The following CASK variants were observed in gnomAD, a reference collection of about 807,000 sequenced individuals.
CASK encodes peripheral plasma membrane protein CASK.
A neutral mutation model predicts 82.9 loss-of-function variants in CASK; 4 were observed. The observed-to-expected ratio is 0.05, with a 90% CI of 0.02 to 0.11. The LOEUF is 0.11. CASK is among the 10% of genes least tolerant of loss of function. The pLI is 1.00. For missense variants in CASK, 358 were observed against 720.9 expected (o/e 0.50, Z 5.76); for synonymous variants, 259 against 253.5 (o/e 1.02, Z -0.20).
chrX:41,567,421 G>A (rs1197183575), intron 16 of CASK, among the ~76,000 whole-genome samples: 1 of 112,217 alleles, frequency 8.9e-6, no homozygotes, highest in Non-Finnish European at 1.9e-5. Flanking sequence ...ATCAAAAAGT[G>A]AGCAAAGGAT....
intron 2 of CASK, among the ~76,000 whole-genome samples, chrX:41,846,655 T>A (rs2071161607): frequency 8.9e-6 from 1 of 112,068 alleles, no homozygotes; most frequent in African/African-American, 3.2e-5. Flanking sequence ...GAATACCTCA[T>A]TTATCCTGAT....
At chrX:41,752,054 AAAAAAAAAAACAC>A (rs1037265781) in intron 3 of CASK, among the ~76,000 whole-genome samples, 8 of 96,666 alleles carry the variant, frequency 8.3e-5, no homozygotes, top group Non-Finnish European at 1.6e-4. Flanking sequence ...CCCACCCACC[AAAAAAAAAAACAC>A]AAAAAAAAAA....
At chrX:41,703,292 C>A (rs1221916214) in intron 5 of CASK, among the ~76,000 whole-genome samples, 1 of 112,156 alleles carries the variant, frequency 8.9e-6, no homozygotes, top group Non-Finnish European at 1.9e-5. Flanking sequence ...TACCCGTATA[C>A]ATCATCCAAA....
intron 1 of CASK, among the ~76,000 whole-genome samples, chrX:41,876,004 T>C (rs894856073): frequency 1.2e-4 from 13 of 111,406 alleles, no homozygotes; most frequent in South Asian, 3.8e-4. Context: ...ATCCAAGTAG[T>C]CAAAAGCATC....
chrX:41,629,549 C>T (rs2066431493), intron 9 of CASK, among the ~76,000 whole-genome samples: 1 of 111,405 alleles, frequency 9.0e-6, no homozygotes, highest in Non-Finnish European at 1.9e-5. Flanking sequence ...TGACTACTCT[C>T]CCCAGTTCAA....
At chrX:41,677,034 C>T (rs761298010) in intron 5 of CASK, among the ~76,000 whole-genome samples, 19 of 109,613 alleles carry the variant, frequency 1.7e-4, no homozygotes, top group African/African-American at 4.0e-4. Context: ...AGGCTGGGTG[C>T]GGTGGCTCAC....
intron 2 of CASK, among the ~76,000 whole-genome samples, chrX:41,839,317 C>A (rs1478557319): frequency 9.0e-6 from 1 of 111,325 alleles, no homozygotes; most frequent in Non-Finnish European, 1.9e-5. Flanking sequence ...TCTTTAACTT[C>A]TTTCATCAGA....
intron 5 of CASK, among the ~76,000 whole-genome samples, chrX:41,709,977 G>A (rs138106585): frequency 9.1e-6 from 1 of 110,407 alleles, no homozygotes; most frequent in African/African-American, 3.3e-5. Flanking sequence ...CTTGGCCCTA[G>A]AAAGAGACAG....
At chrX:41,578,851 G>C in intron 14 of CASK, among the ~76,000 whole-genome samples, 1 of 112,004 alleles carries the variant, frequency 8.9e-6, no homozygotes, top group East Asian at 2.8e-4. Context: ...CATCTAAAGA[G>C]AACATAAAGT....
intron 11 of CASK, among the ~76,000 whole-genome samples, chrX:41,620,881 G>A (rs1487453574): frequency 8.9e-6 from 1 of 112,065 alleles, no homozygotes; most frequent in East Asian, 2.8e-4. Context: ...ATTTATTAAA[G>A]GAAGTAAACT....
At chrX:41,625,942 CTTTTT>C (rs748063155) in intron 10 of CASK, among the ~76,000 whole-genome samples, 2 of 40,367 alleles carry the variant, frequency 5.0e-5, no homozygotes, top group African/African-American at 1.8e-4. Flanking sequence ...GCACGCCTGG[CTTTTT>C]TTTTTTTTTT....
chrX:41,695,186 A>C (rs1445075286), intron 5 of CASK, among the ~76,000 whole-genome samples: 1 of 112,140 alleles, frequency 8.9e-6, no homozygotes, highest in Non-Finnish European at 1.9e-5. Flanking sequence ...TAGAGCATGA[A>C]ACTCCATGAG....
intron 5 of CASK, among the ~76,000 whole-genome samples, chrX:41,693,194 A>G (rs774104858): frequency 1.7e-3 from 195 of 111,475 alleles, no homozygotes; most frequent in Middle Eastern, 4.6e-3. Flanking sequence ...AGCTCCCTAC[A>G]TAACCACACA....
chrX:41,745,708 G>A, intron 3 of CASK, 107 bp from the exon 4 acceptor site: 1 of 558,886 alleles, frequency 1.8e-6, no homozygotes, highest in Non-Finnish European at 3.1e-6. Context: ...ACTGCTAAGG[G>A]TTATGTTATT....
chrX:41,827,560 C>T (rs1228460601), intron 2 of CASK, among the ~76,000 whole-genome samples: 3 of 112,063 alleles, frequency 2.7e-5, no homozygotes, highest in Non-Finnish European at 5.6e-5. Context: ...CTAATACCAT[C>T]ACCTCGACAA....
chrX:41,553,138 T>C (rs924699818), intron 21 of CASK, among the ~76,000 whole-genome samples: 1 of 112,336 alleles, frequency 8.9e-6, no homozygotes, highest in Non-Finnish European at 1.9e-5. Flanking sequence ...TCCTTTTCTC[T>C]CAGTTAAAAA....
chrX:41,598,537 T>C (rs1351570770), intron 12 of CASK, among the ~76,000 whole-genome samples: 1 of 110,642 alleles, frequency 9.0e-6, no homozygotes. Context: ...TTTTATTTTA[T>C]TTTTAGTAGA....
chrX:41,574,409 A>C (rs1033722063), intron 15 of CASK, among the ~76,000 whole-genome samples: 14 of 111,379 alleles, frequency 1.3e-4, no homozygotes, highest in African/African-American at 4.6e-4. Context: ...CTGTTCTTTC[A>C]TGATATTTTG....
At chrX:41,763,134 GAAGT>G (rs1204253825) in intron 3 of CASK, among the ~76,000 whole-genome samples, 1 of 111,412 alleles carries the variant, frequency 9.0e-6, no homozygotes, top group Non-Finnish European at 1.9e-5. Context: ...TCTGGAATGT[GAAGT>G]AAGAAAAGCA....
Sources: allele counts gnomAD v4.1 joint callset (sites outside exome capture counted in the v4.1 genomes callset), GRCh38; gene constraint gnomAD v4.1.1; transcripts MANE v1.5; gene names NCBI Gene and HGNC (gene_info 2026-07-23, HGNC 2026-07-21).